Variants in TRPM6 observed in about 807,000 individuals in gnomAD.
TRPM6 encodes channel kinase 2.
A neutral mutation model predicts 247.6 loss-of-function variants in TRPM6; 111 were observed. The observed-to-expected ratio is 0.45, with a 90% confidence interval of 0.38 to 0.52. The LOEUF (loss-of-function observed/expected upper bound fraction) is 0.52. Among genes scored for constraint, TRPM6 ranks in the 20% least tolerant of loss-of-function variants. TRPM6 has a pLI of 0.00. For synonymous variants in TRPM6, 892 were observed against 853.8 expected, an observed-to-expected ratio of 1.04 and a Z score of -0.78; for missense variants, 2,126 against 2,421.5, an observed-to-expected ratio of 0.88 and a Z score of 2.56.
intron 12 of TRPM6, 150 bp downstream of exon 12, chr9:74,812,149 C>T: frequency 1.0e-6 from 1 of 975,472 alleles, no homozygotes. Flanking sequence ...GGGAAAGAAG[C>T]CTGGAACTAG....
At chr9:74,753,036 C>T (rs1826305546) in intron 28 of TRPM6, among the ~76,000 whole-genome samples, 1 of 151,164 alleles carries the variant, frequency 6.6e-6, no homozygotes, top group South Asian at 2.1e-4. Flanking sequence ...TCGCTTGAAC[C>T]CCGAAGGCGG....
At chr9:74,800,115 T>C in intron 17 of TRPM6, 139 bp downstream of exon 17, 1 of 788,422 alleles carries the variant, frequency 1.3e-6, no homozygotes, top group African/African-American at 1.7e-5. Context: ...TGCAGTCCCC[T>C]GCTAGAACCT....
In TRPM6 at chr9:74,744,148, G is replaced by C; in HGVS notation, c.5084-3C>G. ...GCTTTTTAAGGAGGCTGAGATCTCT[G>C]AAATTAGAGAGGAGATTGGCATTTT... On this transcript the variant is annotated splice_region_variant and splice_polypyrimidine_tract_variant and intron_variant, in intron 31 of 38. Transcript: ENST00000360774. 1 of 1,613,798 alleles carries C rather than the reference G, an allele frequency of 6.2e-7. No homozygotes were observed. Among genetic ancestry groups the C allele is most frequent in the Non-Finnish European group, 8.5e-7 (1 of 1,179,740 alleles).
intron 1 of TRPM6, among the ~76,000 whole-genome samples, chr9:74,877,882 C>T (rs1250404074): frequency 6.6e-6 from 1 of 152,094 alleles, no homozygotes; most frequent in Non-Finnish European, 1.5e-5. Context: ...CTGGGGATCA[C>T]CTCACCCCTC....
intron 27 of TRPM6, among the ~76,000 whole-genome samples, chr9:74,755,806 G>A (rs749360042): frequency 6.6e-6 from 1 of 152,134 alleles, no homozygotes; most frequent in Non-Finnish European, 1.5e-5. Context: ...GGTCTGGAAG[G>A]AGGAAGAATT....
intron 2 of TRPM6, among the ~76,000 whole-genome samples, chr9:74,857,095 T>A (rs1215185945): frequency 6.6e-6 from 1 of 152,182 alleles, no homozygotes; most frequent in African/African-American, 2.4e-5. Flanking sequence ...ATGAGCCACC[T>A]GAATCAACTT....
At position 74,840,030 on chromosome 9, in the gene TRPM6, T is replaced by C. The variant is rs1829877577; in HGVS notation, c.538A>G (p.Asn180Asp). 1 of 1,613,014 alleles carries C rather than the reference T, an allele frequency of 6.2e-7. No individual in the cohort carries two copies. Among genetic ancestry groups the C allele is most frequent in the South Asian group, 1.1e-5 (1 of 91,054 alleles). ...TGGAGGGAGGGAGCTTTACCTGTATTGATGCCTTCAGTTATTATCCACGCT... is the reference window on the plus strand; with the variant it reads ...TGGAGGGAGGGAGCTTTACCTGTATCGATGCCTTCAGTTATTATCCACGCT... ...TGAWIITEGI[N>D]TGVSKHVGDA... The change falls in exon 5 of 39, where the codon AAT becomes GAT. Residue 180 changes from asparagine (N) to aspartate (D), a missense_variant. By Grantham distance (23) the Asn-to-Asp change is conservative. Around this residue, in one of 3 missense-constraint regions of TRPM6, gnomAD observed 1,082 missense variants for 1,307.9 expected, o/e 0.83. Coordinates refer to ENST00000360774, the MANE Select transcript of TRPM6 (RefSeq NM_017662.5).
At chr9:74,858,789 ACAAAACAATGTAAC>A in intron 1 of TRPM6, 41 bp from the exon 2 acceptor site, 1 of 1,492,836 alleles carries the variant, frequency 6.7e-7, no homozygotes, top group African/African-American at 1.4e-5. Context: ...TAATTATGTG[ACAAAACAATGTAAC>A]CATAGTAGTT....
At chr9:74,737,344 T>G (rs1018034554) in intron 36 of TRPM6, 1 of 1,283,036 alleles carries the variant, frequency 7.8e-7, no homozygotes, top group Non-Finnish European at 1.0e-6. Context: ...CAAAGTACTT[T>G]GCAGTCTTAC....
chr9:74,768,039 C>T (rs371077214), intron 25 of TRPM6, among the ~76,000 whole-genome samples: 2 of 152,136 alleles, frequency 1.3e-5, no homozygotes, highest in East Asian at 1.9e-4. Flanking sequence ...ATTTCTAACC[C>T]TCTACTCAAA....
chr9:74,884,367 T>C (rs1204507306), intron 1 of TRPM6, among the ~76,000 whole-genome samples: 1 of 151,838 alleles, frequency 6.6e-6, no homozygotes, highest in East Asian at 1.9e-4. Flanking sequence ...CGGGTGCCTG[T>C]AGTCCCAGCT....
Position 74,887,885 on chromosome 9 carries a change from C to A in TRPM6, c.-29G>T. Reference sequence around the variant, plus strand: ...TGATTTGCAGGCCCTGCTCCCAAAGCCCTGTCTGAGCTTTTAACTGTGGAG... The same window carrying A: ...TGATTTGCAGGCCCTGCTCCCAAAGACCTGTCTGAGCTTTTAACTGTGGAG... On this transcript the variant is annotated 5_prime_UTR_variant, in exon 1 of 39. Transcript: ENST00000360774. 6.2e-7 allele frequency: 1 copy of A among 1,613,970 alleles called. No individual in the cohort carries two copies.
chr9:74,786,766 T>G (rs1336640770), intron 20 of TRPM6, among the ~76,000 whole-genome samples: 1 of 151,660 alleles, frequency 6.6e-6, no homozygotes, highest in Admixed American at 6.6e-5. Context: ...TAAATAAAAC[T>G]CAATACTGCT....
At position 74,834,127 on chromosome 9, in the gene TRPM6, G is replaced by T; in HGVS notation, c.545-5C>A. 2 of 1,613,946 alleles carry T rather than the reference G, an allele frequency of 1.2e-6. No homozygotes were observed. Among genetic ancestry groups the T allele is most frequent in the South Asian group, 2.2e-5 (2 of 91,048 alleles). The stretch of plus-strand genomic sequence containing the variant: ...CCCCAACATGCTTGGACACTCCTAT[G>T]AACAACCAGTTTAGAAGTCAAACTT... On this transcript the variant is annotated splice_polypyrimidine_tract_variant and splice_region_variant and intron_variant, in intron 5 of 38. Coordinates refer to ENST00000360774, the MANE Select transcript of TRPM6 (RefSeq NM_017662.5).
intron 5 of TRPM6, among the ~76,000 whole-genome samples, chr9:74,835,855 C>T (rs1188177362): frequency 3.3e-5 from 5 of 152,050 alleles, no homozygotes; most frequent in African/African-American, 1.2e-4. Flanking sequence ...AGAAAGTTCC[C>T]ATGCCATGCC....
chr9:74,828,314 CCA>C (rs780686434), intron 6 of TRPM6, among the ~76,000 whole-genome samples: 114 of 152,200 alleles, frequency 7.5e-4, no homozygotes, highest in Non-Finnish European at 7.1e-4. Context: ...TGAGATCGCG[CCA>C]CTGCACTCCA....
intron 5 of TRPM6, among the ~76,000 whole-genome samples, chr9:74,834,653 C>T (rs945549372): frequency 1.0e-4 from 15 of 150,594 alleles, no homozygotes; most frequent in Non-Finnish European, 1.5e-4. Flanking sequence ...GTTCCCCACC[C>T]TATGTCCAAG....
At chr9:74,832,156 G>T (rs73534382) in intron 6 of TRPM6, among the ~76,000 whole-genome samples, 1 of 152,032 alleles carries the variant, frequency 6.6e-6, no homozygotes, top group Admixed American at 6.6e-5. Flanking sequence ...AAGAAGCAAA[G>T]AAACATGCTA....
chr9:74,818,297 T>C (rs944795811), intron 9 of TRPM6, among the ~76,000 whole-genome samples: 2 of 140,558 alleles, frequency 1.4e-5, no homozygotes, highest in Admixed American at 7.0e-5. Context: ...TCATTTCTTT[T>C]TTTTTTTTTT....
Sources: gnomAD v4.1 joint callset for allele counts (sites outside exome capture counted in the v4.1 genomes callset) on GRCh38, gnomAD v4.1.1 for gene constraint, gnomAD v4.1.1 regional missense constraint, MANE v1.5 for transcripts, NCBI Gene and HGNC (gene_info 2026-07-23, HGNC 2026-07-21) for gene names.